EFNA5: variants seen among roughly 807,000 people sequenced by gnomAD.
EFNA5 encodes the protein ephrin A5.
In EFNA5, 5 loss-of-function variants were observed where a neutral mutation model predicts 22.9. That is an observed-to-expected ratio of 0.22 (90% CI 0.11 to 0.46). EFNA5 has a LOEUF of 0.46. EFNA5 is among the 20% of genes least tolerant of loss of function. EFNA5 has a pLI of 0.99. For synonymous variants in EFNA5, 113 were observed against 112.2 expected (o/e 1.01, Z -0.04); for missense variants, 237 against 293.3 (o/e 0.81, Z 1.40).
rs1748826999 is a variant in EFNA5, at chr5:107,427,019, G to T, written c.418+198C>A. The T allele has an allele frequency of 5.0e-6, 3 of 603,646 alleles. No homozygotes were observed. The Middle Eastern group carries it at 7.9e-4, about 159-fold the overall frequency. 37.4% of individuals were successfully genotyped at this position (603,646 alleles called of 1,614,324 possible). A position where few individuals can be genotyped will look rare whatever the true frequency, so the allele number is the denominator to read the frequency against. On this transcript the variant is annotated intron_variant, in intron 2 of 4. Transcript: ENST00000333274. ...AACAGGCTGACACGTAATTTCATAGGGGGAGACGCGCTCTGTCTTTAATCT... is the reference window on the plus strand; with the variant it reads ...AACAGGCTGACACGTAATTTCATAGTGGGAGACGCGCTCTGTCTTTAATCT...
intron 1 of EFNA5, among the ~76,000 whole-genome samples, chr5:107,430,325 G>C (rs1190226488): frequency 6.6e-6 from 1 of 152,150 alleles, no homozygotes; most frequent in African/African-American, 2.4e-5. Context: ...AAGAACAGCA[G>C]AAGGCAATGC....
At chr5:107,566,641 T>G (rs551917697) in intron 1 of EFNA5, among the ~76,000 whole-genome samples, 10 of 152,346 alleles carry the variant, frequency 6.6e-5, no homozygotes, top group Admixed American at 2.6e-4. Flanking sequence ...TTACTGCAGC[T>G]TCACAGACAT....
At chr5:107,430,903 A>G (rs559796960) in intron 1 of EFNA5, among the ~76,000 whole-genome samples, 5 of 151,062 alleles carry the variant, frequency 3.3e-5, no homozygotes, top group South Asian at 2.1e-4. Flanking sequence ...CAGCCTCCCA[A>G]GTAGCAGGGA....
intron 1 of EFNA5, among the ~76,000 whole-genome samples, chr5:107,542,750 A>G (rs1372311397): frequency 6.6e-6 from 1 of 152,128 alleles, no homozygotes; most frequent in Non-Finnish European, 1.5e-5. Context: ...AGAGATGTCT[A>G]TTAGCTTTCA....
At chr5:107,489,757 TC>T (rs1746751511) in intron 1 of EFNA5, among the ~76,000 whole-genome samples, 1 of 151,962 alleles carries the variant, frequency 6.6e-6, no homozygotes. Flanking sequence ...AGAAAACATA[TC>T]CATAGCAAGG....
At chr5:107,564,631 GT>G (rs34585445) in intron 1 of EFNA5, among the ~76,000 whole-genome samples, 26,437 of 114,872 alleles carry the variant, frequency 0.23, 1,681 homozygotes, top group South Asian at 0.33. Context: ...TTGGGTTTTT[GT>G]TTTTTTTTTT....
At chr5:107,488,845 C>T (rs868868571) in intron 1 of EFNA5, among the ~76,000 whole-genome samples, 3 of 152,062 alleles carry the variant, frequency 2.0e-5, no homozygotes, top group Non-Finnish European at 2.9e-5. Flanking sequence ...GCGAGTGCCA[C>T]GACGCCTGGC....
chr5:107,609,200 T>A (rs1749778214), intron 1 of EFNA5, among the ~76,000 whole-genome samples: 2 of 152,236 alleles, frequency 1.3e-5, no homozygotes, highest in South Asian at 4.1e-4. Flanking sequence ...CCTCTCTACA[T>A]TTCTAATAAA....
At chr5:107,545,744 A>G (rs1748132730) in intron 1 of EFNA5, among the ~76,000 whole-genome samples, 1 of 152,172 alleles carries the variant, frequency 6.6e-6, no homozygotes. Context: ...GTTGGCAAGA[A>G]GGGCCTCTGA....
At chr5:107,516,579 T>C (rs1747486365) in intron 1 of EFNA5, among the ~76,000 whole-genome samples, 1 of 152,192 alleles carries the variant, frequency 6.6e-6, no homozygotes. Context: ...CCTCCCAAAC[T>C]GCTTCTTTGA....
chr5:107,478,219 G>A (rs1005401929), intron 1 of EFNA5, among the ~76,000 whole-genome samples: 2 of 152,112 alleles, frequency 1.3e-5, no homozygotes, highest in African/African-American at 4.8e-5. Flanking sequence ...AGGCACAGTG[G>A]CCAGACTTCT....
intron 1 of EFNA5, among the ~76,000 whole-genome samples, chr5:107,598,735 A>G (rs753496913): frequency 2.0e-5 from 3 of 152,172 alleles, no homozygotes; most frequent in East Asian, 1.9e-4. Context: ...GGCCAGTTAT[A>G]TTTAAATTCT....
chr5:107,541,995 A>G (rs926461876), intron 1 of EFNA5, among the ~76,000 whole-genome samples: 28 of 152,218 alleles, frequency 1.8e-4, no homozygotes, highest in African/African-American at 6.5e-4. Flanking sequence ...CAAGTTCTGA[A>G]GCAAATGATA....
chr5:107,642,996 T>C (rs1580577618), intron 1 of EFNA5, among the ~76,000 whole-genome samples: 1 of 151,176 alleles, frequency 6.6e-6, no homozygotes, highest in East Asian at 1.9e-4. Context: ...CATGTTTATA[T>C]ACTTTTCCTG....
chr5:107,502,361 A>G (rs986117298), intron 1 of EFNA5, among the ~76,000 whole-genome samples: 9 of 152,206 alleles, frequency 5.9e-5, no homozygotes, highest in African/African-American at 2.2e-4. Flanking sequence ...ATCCCTCATC[A>G]TGCCACAGTC....
At position 107,381,135 on chromosome 5, in the gene EFNA5, A is replaced by G; in HGVS notation, c.*120T>C. ...GAATTCAGGCTGAAAGAAAGAAAAC[A>G]AAAATCTGACATCTGCCAAAACCCA... On this transcript the variant is annotated 3_prime_UTR_variant, in exon 5 of 5. Coordinates refer to ENST00000333274, the MANE Select transcript of EFNA5 (RefSeq NM_001962.3). 7.2e-7 allele frequency: 1 copy of G among 1,393,318 alleles called. No individual in the cohort carries two copies. The highest frequency in any genetic ancestry group is 2.4e-5 in the East Asian group (1 of 41,554). The allele number at this position is 1,393,318 out of a possible 1,614,324, so 86.3% of individuals were successfully genotyped here.
intron 1 of EFNA5, among the ~76,000 whole-genome samples, chr5:107,592,467 C>T (rs919446736): frequency 1.3e-5 from 2 of 151,954 alleles, no homozygotes; most frequent in Admixed American, 1.3e-4. Context: ...TTTAAATAGT[C>T]TATGAATACT....
intron 1 of EFNA5, among the ~76,000 whole-genome samples, chr5:107,467,835 AG>A (rs1561399309): frequency 6.6e-6 from 1 of 152,222 alleles, no homozygotes; most frequent in Non-Finnish European, 1.5e-5. Context: ...CCACTGTCCA[AG>A]GTCCTTTCCT....
chr5:107,456,597 C>T (rs1030804791), intron 1 of EFNA5, among the ~76,000 whole-genome samples: 4 of 152,130 alleles, frequency 2.6e-5, no homozygotes, highest in Non-Finnish European at 5.9e-5. Context: ...TGTTTTGAAA[C>T]CAAGTGCTGT....
Sources: allele counts gnomAD v4.1 joint callset (sites outside exome capture counted in the v4.1 genomes callset), GRCh38; gene constraint gnomAD v4.1.1; transcripts MANE v1.5; gene names NCBI Gene and HGNC (gene_info 2026-07-23, HGNC 2026-07-21).